TPRG1: variants seen among roughly 807,000 people sequenced by gnomAD.
TPRG1 encodes tumor protein p63 regulated 1, also known as tumor protein p63-regulated gene 1 protein.
In TPRG1, 29 loss-of-function variants were observed where a neutral mutation model predicts 29.3. The ratio of observed to expected loss-of-function variants is 0.99; its 90% confidence interval spans 0.74 to 1.35. The LOEUF is 1.35. Ranked by LOEUF, TPRG1 falls within the 40% of genes most tolerant of loss-of-function variation. The probability of loss-of-function intolerance (pLI) is 0.00; values close to 1 mark genes in which losing one functional copy is unlikely to be tolerated. For synonymous variants in TPRG1, 130 were observed against 116.8 expected (o/e 1.11, Z -0.73); for missense variants, 327 against 335.0 (o/e 0.98, Z 0.19).
chr3:189,137,361 G>A (rs1723894814), intron 3 of TPRG1, among the ~76,000 whole-genome samples: 1 of 147,998 alleles, frequency 6.8e-6, no homozygotes, highest in South Asian at 2.1e-4. Context: ...TGGGTGAAGT[G>A]AGCTCTCAAA....
rs1386996970 is a variant in TPRG1 at position 189,138,249 on chromosome 3, G to T, written c.-291+5552G>T. ...GGGAAAAAATGTCATGTAAGCAAAG[G>T]CTTGGAGGTGTGAAAGAGCATGGTG... is the stretch of plus-strand genomic sequence containing the variant. On this transcript the variant is annotated intron_variant, in intron 3 of 6. Transcript: ENST00000412373. Among the ~76,000 whole-genome samples, 2 of 152,296 alleles carry T rather than the reference G, an allele frequency of 1.3e-5. 1 individual carries two copies. The highest frequency in any genetic ancestry group is 4.1e-4 in the South Asian group (2 of 4,824).
At chr3:189,296,974 T>C (rs1487219232) in intron 4 of TPRG1, among the ~76,000 whole-genome samples, 1 of 135,088 alleles carries the variant, frequency 7.4e-6, no homozygotes, top group African/African-American at 3.5e-5. Context: ...ATAAACCCTC[T>C]TCTTCTTCTT....
chr3:189,214,452 G>A (rs972443319), intron 2 of TPRG1, among the ~76,000 whole-genome samples: 2 of 151,564 alleles, frequency 1.3e-5, no homozygotes, highest in African/African-American at 4.8e-5. Context: ...AATTGTCATA[G>A]AATCCTAGGC....
At chr3:189,283,122 G>A (rs973501416) in intron 4 of TPRG1, among the ~76,000 whole-genome samples, 3 of 152,176 alleles carry the variant, frequency 2.0e-5, no homozygotes, top group Admixed American at 6.5e-5. Flanking sequence ...TCTGAGTTAC[G>A]TAGCCCATAA....
chr3:189,312,359 C>T (rs1192239597), intron 5 of TPRG1, among the ~76,000 whole-genome samples: 2 of 151,750 alleles, frequency 1.3e-5, no homozygotes, highest in Middle Eastern at 3.2e-3. Context: ...CCGAAAACAT[C>T]TGTTAATCCA....
At chr3:189,158,582 C>G (rs1286411398) in intron 5 of TPRG1, among the ~76,000 whole-genome samples, 1 of 151,834 alleles carries the variant, frequency 6.6e-6, no homozygotes, top group Admixed American at 6.6e-5. Flanking sequence ...GCACTCCAGC[C>G]TGGGCGACAA....
At chr3:189,288,435 T>C (rs941437339) in intron 4 of TPRG1, among the ~76,000 whole-genome samples, 3 of 152,228 alleles carry the variant, frequency 2.0e-5, no homozygotes, top group African/African-American at 7.2e-5. Flanking sequence ...TATATATTAA[T>C]ACTATTCACC....
chr3:189,290,341 C>A (rs574939141), intron 4 of TPRG1, among the ~76,000 whole-genome samples: 109 of 152,304 alleles, frequency 7.2e-4, no homozygotes, highest in African/African-American at 2.5e-3. Context: ...AACCACTTAA[C>A]ACCTCCTCCC....
chr3:189,188,008 G>A (rs768078006), intron 1 of TPRG1, among the ~76,000 whole-genome samples: 4 of 152,122 alleles, frequency 2.6e-5, no homozygotes, highest in Non-Finnish European at 4.4e-5. Context: ...TAAGTTGTCT[G>A]GTTCAGCAAC....
At chr3:189,268,570 G>C (rs887714255) in intron 4 of TPRG1, among the ~76,000 whole-genome samples, 1 of 152,168 alleles carries the variant, frequency 6.6e-6, no homozygotes, top group African/African-American at 2.4e-5. Context: ...TGAGAAGGGC[G>C]CCAAAATTTA....
chr3:189,319,109 A>C (rs1425539345), intron 5 of TPRG1, among the ~76,000 whole-genome samples: 1 of 152,098 alleles, frequency 6.6e-6, no homozygotes, highest in Non-Finnish European at 1.5e-5. Flanking sequence ...ATCCAACAAG[A>C]GTTTCCTGAA....
At chr3:189,031,012 G>A (rs115963628) in intron 4 of TPRG1, among the ~76,000 whole-genome samples, 2,667 of 152,302 alleles carry the variant, frequency 0.018, 75 homozygotes, top group African/African-American at 0.06. Context: ...GCTCACGCCT[G>A]TAATCCCAGC....
intron 4 of TPRG1, among the ~76,000 whole-genome samples, chr3:189,036,940 A>T (rs1242742381): frequency 6.6e-6 from 1 of 151,704 alleles, no homozygotes; most frequent in Admixed American, 6.6e-5. Context: ...ATCATAAGAT[A>T]AACTGACATA....
chr3:189,303,921 G>A (rs1350864676), intron 4 of TPRG1, among the ~76,000 whole-genome samples: 3 of 152,262 alleles, frequency 2.0e-5, no homozygotes, highest in Non-Finnish European at 2.9e-5. Flanking sequence ...GGGAGATTCC[G>A]TGACCATTTT....
chr3:189,107,761 T>C (rs1719997095), intron 1 of TPRG1, among the ~76,000 whole-genome samples: 1 of 152,194 alleles, frequency 6.6e-6, no homozygotes, highest in East Asian at 1.9e-4. Context: ...TTAAAAGCAT[T>C]ATTTACCTTG....
chr3:189,025,610 C>T (rs985708688), intron 4 of TPRG1, among the ~76,000 whole-genome samples: 1 of 152,018 alleles, frequency 6.6e-6, no homozygotes, highest in South Asian at 2.1e-4. Context: ...TATACTGAAG[C>T]GAATTGTGTG....
At chr3:189,277,557 A>G (rs566911379) in intron 4 of TPRG1, among the ~76,000 whole-genome samples, 1 of 148,196 alleles carries the variant, frequency 6.7e-6, no homozygotes, top group African/African-American at 2.6e-5. Flanking sequence ...TGTGTCACTC[A>G]TCAGATGTTT....
intron 1 of TPRG1, among the ~76,000 whole-genome samples, chr3:189,186,985 G>GTTTTTTTTTTTTTTTT (rs397875585): frequency 1.1e-5 from 1 of 88,950 alleles, no homozygotes; most frequent in Non-Finnish European, 2.1e-5. Context: ...CATCTAAAGT[G>GTTTTTTTTTTTTTTTT]TTTTTTTTTT....
chr3:189,136,541 T>C (rs1230183046), intron 3 of TPRG1, among the ~76,000 whole-genome samples: 1 of 152,178 alleles, frequency 6.6e-6, no homozygotes, highest in Non-Finnish European at 1.5e-5. Flanking sequence ...TTAGGCTTGC[T>C]AAAGACTCCT....
Sources: allele counts gnomAD v4.1 joint callset (sites outside exome capture counted in the v4.1 genomes callset), GRCh38; gene constraint gnomAD v4.1.1; transcripts MANE v1.5; gene names NCBI Gene and HGNC (gene_info 2026-07-23, HGNC 2026-07-21).